ITPR1: variants seen among roughly 807,000 people sequenced by gnomAD.
ITPR1 encodes inositol 1,4,5-trisphosphate receptor type 1.
ITPR1 carries 96 observed loss-of-function variants against 318.4 expected under a neutral mutation model. The observed-to-expected ratio is 0.30, with a 90% CI of 0.26 to 0.36. ITPR1 has a LOEUF of 0.36. Ranked by LOEUF, ITPR1 falls within the 10% of genes least tolerant of loss-of-function variation. The pLI is 1.00. For missense variants in ITPR1, 2,440 were observed against 3,460.2 expected, an observed-to-expected ratio of 0.71 and a Z score of 7.40; for synonymous variants, 1,312 against 1,289.9, an observed-to-expected ratio of 1.02 and a Z score of -0.37.
At chr3:4,569,755 T>C (rs1262775400) in intron 4 of ITPR1, among the ~76,000 whole-genome samples, 2 of 152,366 alleles carry the variant, frequency 1.3e-5, no homozygotes, top group Non-Finnish European at 2.9e-5. Flanking sequence ...CAGCTTGTCA[T>C]GGGAGTTGCA....
At chr3:4,741,547 CT>C (rs5846335) in intron 44 of ITPR1, among the ~76,000 whole-genome samples, 145,293 of 148,074 alleles carry the variant, frequency 0.98, 71,290 homozygotes, top group South Asian at 1. Flanking sequence ...ACACCACACT[CT>C]TTTTTTTTTT....
At chr3:4,814,611 G>GGGC in intron 58 of ITPR1, 49 bp downstream of exon 58, 4 of 707,948 alleles carry the variant, frequency 5.7e-6, no homozygotes, top group South Asian at 1.5e-5. Context: ...GGGTGGGGTG[G>GGGC]TTGGTGGGAG....
In ITPR1 at chr3:4,681,298, A is replaced by G; in HGVS notation, c.3107-66A>G. ...CAGCTTTACCCTGCAAAACTTATGGATGAGTTCACCAGCAGCATGTTTGCA... is the reference window on the plus strand; with the variant it reads ...CAGCTTTACCCTGCAAAACTTATGGGTGAGTTCACCAGCAGCATGTTTGCA... On this transcript the variant is annotated intron_variant, in intron 25 of 61. Coordinates refer to ENST00000649015, the MANE Select transcript of ITPR1 (RefSeq NM_001378452.1). The G allele has an allele frequency of 1.4e-5, 15 of 1,096,216 alleles. No homozygotes were observed. In the South Asian group the frequency reaches 1.4e-4, roughly 10 times the overall value. The allele number at this position is 1,096,216 out of a possible 1,614,324, so 67.9% of individuals were successfully genotyped here. A position where few individuals can be genotyped will look rare whatever the true frequency, so the allele number is the denominator to read the frequency against.
chr3:4,621,229 T>C (rs1218122235), intron 4 of ITPR1, among the ~76,000 whole-genome samples: 1 of 152,170 alleles, frequency 6.6e-6, no homozygotes, highest in African/African-American at 2.4e-5. Flanking sequence ...GGAAGCACGA[T>C]GCTGGCATCT....
At chr3:4,555,681 G>T (rs1208043509) in intron 4 of ITPR1, among the ~76,000 whole-genome samples, 1 of 152,134 alleles carries the variant, frequency 6.6e-6, no homozygotes, top group Non-Finnish European at 1.5e-5. Flanking sequence ...GGATGTGCCA[G>T]AGTGTAATCA....
At chr3:4,739,363 G>T (rs2043531010) in intron 44 of ITPR1, among the ~76,000 whole-genome samples, 1 of 152,162 alleles carries the variant, frequency 6.6e-6, no homozygotes, top group African/African-American at 2.4e-5. Flanking sequence ...ATGGGTCTGT[G>T]GTCAGCTGGC....
At chr3:4,555,334 G>C (rs1419025494) in intron 4 of ITPR1, among the ~76,000 whole-genome samples, 2 of 152,172 alleles carry the variant, frequency 1.3e-5, no homozygotes, top group Non-Finnish European at 2.9e-5. Flanking sequence ...GGTCTTCAGA[G>C]GCAAGCGATT....
In ITPR1 at chr3:4,723,545, A is replaced by C. The variant is rs138411295; in HGVS notation, c.5137-2001A>C. Among the ~76,000 whole-genome samples, 312 of 152,068 alleles carry C rather than the reference A, an allele frequency of 2.1e-3. 1 individual carries two copies. The highest frequency in any genetic ancestry group is 2.8e-3 in the Non-Finnish European group (188 of 68,012). On this transcript the variant is annotated intron_variant, in intron 40 of 61. Coordinates refer to ENST00000649015, the MANE Select transcript of ITPR1 (RefSeq NM_001378452.1). ...GAAATAGTGTGTCAGTACAATCATA[A>C]AACATAATCCCTGCCGGGTGATTAA...
chr3:4,750,211 C>G (rs767075813), intron 44 of ITPR1: 5 of 152,138 alleles, frequency 3.3e-5, no homozygotes, highest in Non-Finnish European at 7.3e-5. Flanking sequence ...AGATTCCATA[C>G]CTGCTGTTGT....
chr3:4,760,213 G>A (rs1396569028), intron 44 of ITPR1, among the ~76,000 whole-genome samples: 1 of 152,184 alleles, frequency 6.6e-6, no homozygotes. Context: ...TATCTGCCTT[G>A]GCAATCTCCT....
At chr3:4,740,563 C>A (rs753862466) in intron 44 of ITPR1, among the ~76,000 whole-genome samples, 9 of 152,184 alleles carry the variant, frequency 5.9e-5, no homozygotes, top group Non-Finnish European at 1.0e-4. Flanking sequence ...CACATCATCA[C>A]CTAAAGCCCT....
chr3:4,711,571 T>A (rs552063862), intron 38 of ITPR1, 186 bp from the exon 39 acceptor site: 3 of 560,140 alleles, frequency 5.4e-6, no homozygotes, highest in African/African-American at 3.8e-5. Context: ...CCAGCAGGTG[T>A]CACTATTGAG....
At chr3:4,768,356 G>A (rs1315093264) in intron 45 of ITPR1, 155 bp from the exon 46 acceptor site, 5 of 833,488 alleles carry the variant, frequency 6.0e-6, no homozygotes, top group Non-Finnish European at 9.1e-6. Context: ...TCCTGTCTGA[G>A]GACTGAGAGC....
intron 7 of ITPR1, among the ~76,000 whole-genome samples, chr3:4,642,627 G>T (rs1280406718): frequency 6.6e-6 from 1 of 152,204 alleles, no homozygotes; most frequent in Non-Finnish European, 1.5e-5. Flanking sequence ...GATAGAGGAT[G>T]GAAAAGAAAC....
intron 4 of ITPR1, among the ~76,000 whole-genome samples, chr3:4,542,601 C>G (rs1294740685): frequency 6.7e-6 from 1 of 150,320 alleles, no homozygotes; most frequent in African/African-American, 2.4e-5. Flanking sequence ...AGTTCACAAA[C>G]AAGTTACCTT....
intron 40 of ITPR1, among the ~76,000 whole-genome samples, chr3:4,719,933 A>G (rs1326063224): frequency 6.6e-6 from 1 of 152,072 alleles, no homozygotes; most frequent in Non-Finnish European, 1.5e-5. Flanking sequence ...GATGGGGTGG[A>G]GGAGAGAGAG....
intron 40 of ITPR1, among the ~76,000 whole-genome samples, chr3:4,724,774 T>TGC (rs2042391644): frequency 6.6e-6 from 1 of 152,174 alleles, no homozygotes; most frequent in African/African-American, 2.4e-5. Flanking sequence ...CCCCCTCACC[T>TGC]GCATGTCCTT....
intron 36 of ITPR1, among the ~76,000 whole-genome samples, chr3:4,704,921 C>A (rs1000676125): frequency 2.6e-5 from 4 of 152,090 alleles, no homozygotes; most frequent in Admixed American, 1.3e-4. Context: ...CCTGTGCATC[C>A]TGCTTTTCAA....
chr3:4,725,518 TA>T (rs2042447637), intron 40 of ITPR1, 27 bp from the exon 41 acceptor site: 2 of 1,593,248 alleles, frequency 1.3e-6, no homozygotes, highest in African/African-American at 1.3e-5. Context: ...GTGCCATGAC[TA>T]ACGTACTTCG....
Sources: allele counts gnomAD v4.1 joint callset (sites outside exome capture counted in the v4.1 genomes callset), GRCh38; gene constraint gnomAD v4.1.1; transcripts MANE v1.5; gene names NCBI Gene and HGNC (gene_info 2026-07-23, HGNC 2026-07-21).